Variants in NEBL observed in about 807,000 individuals in gnomAD.
The protein encoded by NEBL is LIM and SH3 protein 2.
Under a neutral mutation model 140.2 loss-of-function variants are expected in NEBL, and 122 were observed. The ratio of observed to expected loss-of-function variants is 0.87; its 90% confidence interval spans 0.75 to 1.01. The LOEUF is 1.01. Among genes scored for constraint, NEBL ranks in the 50% least tolerant of loss-of-function variants. NEBL has a pLI of 0.00. For synonymous variants in NEBL, 436 were observed against 398.9 expected (o/e 1.09, Z -1.11); for missense variants, 1,365 against 1,231.3 (o/e 1.11, Z -1.62).
At chr10:21,001,582 A>G (rs1237350584) in intron 3 of NEBL, among the ~76,000 whole-genome samples, 2 of 152,116 alleles carry the variant, frequency 1.3e-5, no homozygotes, top group African/African-American at 4.8e-5. Context: ...CCACAGGTGA[A>G]CTTATTGCAG....
chr10:21,060,067 C>T (rs1440680964), intron 2 of NEBL, among the ~76,000 whole-genome samples: 6 of 152,136 alleles, frequency 3.9e-5, no homozygotes, highest in African/African-American at 1.2e-4. Context: ...CTTCACTATG[C>T]TAGGGTTTAA....
intron 2 of NEBL, among the ~76,000 whole-genome samples, chr10:21,060,083 G>A (rs146755034): frequency 5.3e-4 from 80 of 152,226 alleles, no homozygotes; most frequent in Non-Finnish European, 2.2e-4. Flanking sequence ...TTTAATGCCC[G>A]GTCATCTAAA....
intron 4 of NEBL, among the ~76,000 whole-genome samples, chr10:20,938,605 T>C (rs1185691436): frequency 2.0e-5 from 3 of 151,832 alleles, no homozygotes; most frequent in East Asian, 1.9e-4. Flanking sequence ...CTTTGACGAG[T>C]TGAGAGAAGA....
upstream of NEBL, among the ~76,000 whole-genome samples, chr10:20,900,561 C>T (rs788978): frequency 0.24 from 36,762 of 150,854 alleles, 4,703 homozygotes; most frequent in East Asian, 0.47. Context: ...CGGTGGTTCA[C>T]GCCTGTAATC....
chr10:20,790,580 G>A (rs1326656318), intron 26 of NEBL, among the ~76,000 whole-genome samples: 2 of 147,308 alleles, frequency 1.4e-5, no homozygotes, highest in South Asian at 2.2e-4. Flanking sequence ...CAGCCTGGGC[G>A]ACAGAGTGAA....
At chr10:20,840,883 G>A in intron 12 of NEBL, 34 bp from the exon 13 acceptor site, 1 of 1,239,650 alleles carries the variant, frequency 8.1e-7, no homozygotes, top group Non-Finnish European at 1.2e-6. Context: ...TCAAAACTTA[G>A]CAGGAATCAC....
At chr10:21,190,622 T>C (rs974874353) in intron 3 of NEBL, among the ~76,000 whole-genome samples, 2 of 152,230 alleles carry the variant, frequency 1.3e-5, no homozygotes, top group Non-Finnish European at 2.9e-5. Context: ...AATTATACAA[T>C]GCAATTAATC....
Position 20,840,836 on chromosome 10 carries a change from T to G in NEBL, c.1241A>C (p.Lys414Thr). Reference protein sequence around the residue: ...TNLLREKEYKKDLENEIKGKG... With the variant: ...TNLLREKEYKTDLENEIKGKG... ...CCCTTTTATCTCATTTTCCAAATCT[T>G]TTTTATATTCTTTCTATGAGACAAG... Residue 414 changes from lysine (K) to threonine (T), a missense_variant, in exon 13 of 28, where the codon AAA becomes ACA. Physicochemically the swap from Lys to Thr is moderately conservative, Grantham distance 78. Around this residue, in one of 2 missense-constraint regions of NEBL, gnomAD observed 1,323 missense variants for 1,154.8 expected, o/e 1.15. Coordinates refer to ENST00000377122, the MANE Select transcript of NEBL (RefSeq NM_006393.3). 6.4e-7 allele frequency: 1 copy of G among 1,572,852 alleles called. No homozygotes were observed. Among genetic ancestry groups the G allele is most frequent in the African/African-American group, 1.3e-5 (1 of 74,126 alleles).
At chr10:20,891,069 G>A (rs770673387) in intron 2 of NEBL, among the ~76,000 whole-genome samples, 8 of 152,092 alleles carry the variant, frequency 5.3e-5, no homozygotes, top group Admixed American at 4.6e-4. Context: ...GAATAATATT[G>A]ATGTTATACA....
intron 2 of NEBL, among the ~76,000 whole-genome samples, chr10:21,023,126 A>G (rs1451007279): frequency 1.3e-5 from 2 of 152,268 alleles, no homozygotes. Context: ...TTTTAAAGCT[A>G]TAGTAACAAC....
intron 8 of NEBL, among the ~76,000 whole-genome samples, chr10:20,858,900 A>G (rs1843380709): frequency 6.6e-6 from 1 of 152,154 alleles, no homozygotes; most frequent in South Asian, 2.1e-4. Flanking sequence ...AAGTAGCCCC[A>G]TTTTATAGAT....
intron 3 of NEBL, among the ~76,000 whole-genome samples, chr10:21,009,843 T>C (rs892415358): frequency 6.6e-6 from 1 of 152,186 alleles, no homozygotes; most frequent in Non-Finnish European, 1.5e-5. Context: ...AAATGACAAG[T>C]AGGCTAGATA....
At chr10:20,883,490 C>G (rs948805348) in intron 4 of NEBL, among the ~76,000 whole-genome samples, 1 of 152,156 alleles carries the variant, frequency 6.6e-6, no homozygotes, top group Non-Finnish European at 1.5e-5. Flanking sequence ...TGGAGAAAGT[C>G]CATTATCTCA....
chr10:21,224,640 G>T (rs1031068967), intron 3 of NEBL, among the ~76,000 whole-genome samples: 2 of 152,100 alleles, frequency 1.3e-5, no homozygotes, highest in African/African-American at 4.8e-5. Flanking sequence ...CATGAATATG[G>T]AATATCTTTC....
intron 2 of NEBL, among the ~76,000 whole-genome samples, chr10:21,105,349 C>T (rs908212946): frequency 1.3e-5 from 2 of 151,976 alleles, no homozygotes; most frequent in Non-Finnish European, 2.9e-5. Flanking sequence ...CCCCTACCCC[C>T]CGACAGGCCC....
intron 4 of NEBL, among the ~76,000 whole-genome samples, chr10:20,920,426 T>C (rs1282349037): frequency 1.3e-5 from 2 of 152,162 alleles, no homozygotes; most frequent in African/African-American, 4.8e-5. Flanking sequence ...GTTAAAGAAA[T>C]TGTAGTCCAG....
At chr10:21,050,645 T>C (rs1341496601) in intron 2 of NEBL, among the ~76,000 whole-genome samples, 1 of 152,100 alleles carries the variant, frequency 6.6e-6, no homozygotes, top group Non-Finnish European at 1.5e-5. Context: ...ACTGCGTAGA[T>C]TCCAAGGGCT....
intron 3 of NEBL, among the ~76,000 whole-genome samples, chr10:21,187,028 G>GTA (rs1491280540): frequency 1.4e-5 from 2 of 139,250 alleles, no homozygotes; most frequent in Non-Finnish European, 3.1e-5. Context: ...GTGTGTGTGT[G>GTA]TATACATATG....
In NEBL at chr10:20,828,545, T is replaced by C; in HGVS notation, c.1761A>G (p.Gln587=). The change falls in exon 17 of 28, where the codon CAA becomes CAG. Residue 587 remains glutamine, a synonymous_variant. Coordinates refer to ENST00000377122, the MANE Select transcript of NEBL (RefSeq NM_006393.3). ...TPEIQRIKTT[Q]QNISAVFYKK... The stretch of plus-strand genomic sequence containing the variant: ...GGCTACTCACCGCACTAATGTTTTG[T>C]TGAGTTGTCTTAATTCTCTGAATTT... 3.8e-6 allele frequency: 6 copies of C among 1,583,718 alleles called. No homozygotes were observed. The highest frequency in any genetic ancestry group is 1.1e-5 in the South Asian group (1 of 90,438).
Sources: allele counts gnomAD v4.1 joint callset (sites outside exome capture counted in the v4.1 genomes callset), GRCh38; gene constraint gnomAD v4.1.1; regional missense constraint gnomAD v4.1.1; transcripts MANE v1.5; gene names NCBI Gene and HGNC (gene_info 2026-07-23, HGNC 2026-07-21).